LRRFIP1: variants seen among roughly 807,000 people sequenced by gnomAD.
The protein encoded by LRRFIP1 is LRR binding FLII interacting protein 1.
Under a neutral mutation model 104.4 loss-of-function variants are expected in LRRFIP1, and 62 were observed. That is an observed-to-expected ratio of 0.59 (90% CI 0.48 to 0.73). The LOEUF (loss-of-function observed/expected upper bound fraction) is 0.73. LRRFIP1 is among the 30% of genes least tolerant of loss of function. The pLI is 0.00. For missense variants in LRRFIP1, 796 were observed against 824.5 expected (o/e 0.97, Z 0.42); for synonymous variants, 300 against 299.0 (o/e 1.00, Z -0.03).
In LRRFIP1 at chr2:237,676,615, C is replaced by T. The variant is rs909542135; in HGVS notation, c.97-31929C>T. 7.9e-5 allele frequency among the ~76,000 whole-genome samples: 12 copies of T among 152,284 alleles called. No individual in the cohort carries two copies. In the South Asian group the frequency reaches 8.3e-4, roughly 11 times the overall value. The stretch of plus-strand genomic sequence containing the variant: ...CCGCCTCTCCGGTTCAAGGGATTCC[C>T]GTGCCTCAGCCTCCTGAGTAGCTGG... On this transcript the variant is annotated intron_variant, in intron 1 of 23. Transcript: ENST00000308482.
Position 237,769,888 on chromosome 2 carries a change from C to G in LRRFIP1, c.1460-55C>G. On this transcript the variant is annotated intron_variant, in intron 19 of 23. Transcript: ENST00000308482. Reference sequence around the variant, plus strand: ...GATCATTCTTCAGTTTAGCAATGTGCTGAAAGGCGCGGCACGCGGATTCAC... The same window carrying G: ...GATCATTCTTCAGTTTAGCAATGTGGTGAAAGGCGCGGCACGCGGATTCAC... The G allele has an allele frequency of 2.3e-6, 3 of 1,324,990 alleles. No homozygotes were observed. The South Asian group carries it at 3.7e-5, about 17-fold the overall frequency. The allele number at this position is 1,324,990 out of a possible 1,614,324, so 82.1% of individuals were successfully genotyped here. A position where few individuals can be genotyped will look rare whatever the true frequency, so the allele number is the denominator to read the frequency against.
chr2:237,748,872 C>T (rs2150601799), intron 12 of LRRFIP1, among the ~76,000 whole-genome samples: 1 of 152,298 alleles, frequency 6.6e-6, no homozygotes, highest in South Asian at 2.1e-4. Context: ...AAGAAAAGAG[C>T]TTTAATTGAC....
rs1268578039 is a variant in LRRFIP1 at position 237,766,494 on chromosome 2, A to G, written c.1460-3449A>G. On this transcript the variant is annotated intron_variant, in intron 19 of 23. Coordinates refer to ENST00000308482, the MANE Select transcript of LRRFIP1 (RefSeq NM_001137550.2). The surrounding 1 kb of genome is among the most constrained non-coding windows in gnomAD (Gnocchi z 4.8). ...ACCAAGGTCACTAAATGGTGAGATC[A>G]TCAAGCCATTTTAAGTTCTTTCTCA... Among the ~76,000 whole-genome samples the G allele has an allele frequency of 6.6e-6, 1 of 152,190 alleles. No homozygotes were observed. Among genetic ancestry groups the G allele is most frequent in the East Asian group, 1.9e-4 (1 of 5,194 alleles).
At chr2:237,746,555 A>G (rs2150565978) in intron 11 of LRRFIP1, among the ~76,000 whole-genome samples, 1 of 152,166 alleles carries the variant, frequency 6.6e-6, no homozygotes, top group South Asian at 2.1e-4. Context: ...CTTGGTACTC[A>G]TCTTATCGGA....
intron 19 of LRRFIP1, among the ~76,000 whole-genome samples, chr2:237,761,394 G>C (rs1361838153): frequency 6.6e-6 from 1 of 152,200 alleles, no homozygotes; most frequent in Non-Finnish European, 1.5e-5. Context: ...CCGTTGTTGA[G>C]AAAAGATAAA....
chr2:237,645,521 C>T (rs963557520), intron 1 of LRRFIP1, among the ~76,000 whole-genome samples: 80 of 152,076 alleles, frequency 5.3e-4, no homozygotes, highest in African/African-American at 1.9e-3. Flanking sequence ...AAGGAGGTGC[C>T]AGGGGCAGCT....
At chr2:237,636,320 A>T (rs1440323213) in intron 1 of LRRFIP1, among the ~76,000 whole-genome samples, 1 of 150,384 alleles carries the variant, frequency 6.6e-6, no homozygotes, top group Non-Finnish European at 1.5e-5. Context: ...ACAGAACAGA[A>T]AAAGAAGTAA....
intron 1 of LRRFIP1, among the ~76,000 whole-genome samples, chr2:237,693,782 G>A (rs942002384): frequency 2.0e-5 from 3 of 152,186 alleles, no homozygotes; most frequent in Admixed American, 6.5e-5. Context: ...AGTAAACATT[G>A]AGAACAGGAT....
At chr2:237,679,141 G>C (rs1391025322) in intron 1 of LRRFIP1, among the ~76,000 whole-genome samples, 1 of 152,338 alleles carries the variant, frequency 6.6e-6, no homozygotes, top group Non-Finnish European at 1.5e-5. Flanking sequence ...TCTCCAAGTT[G>C]ATCTTCCACT....
rs372933425 is a variant in LRRFIP1, at chr2:237,718,266, G to C, written c.249+457G>C. On this transcript the variant is annotated intron_variant, in intron 4 of 23. Coordinates refer to ENST00000308482, the MANE Select transcript of LRRFIP1 (RefSeq NM_001137550.2). ...CTCCATTTCCTTCACTCATGATTAC[G>C]ACCAGCTGCCCCATCGCCCTCATTT... Among the ~76,000 whole-genome samples, 7 of 152,352 alleles carry C rather than the reference G, an allele frequency of 4.6e-5. No homozygotes were observed. The East Asian group carries it at 1.3e-3, about 29-fold the overall frequency.
At chr2:237,752,251 T>C (rs565646307) in intron 14 of LRRFIP1, among the ~76,000 whole-genome samples, 15 of 152,066 alleles carry the variant, frequency 9.9e-5, no homozygotes, top group Non-Finnish European at 1.9e-4. Flanking sequence ...ACTAAAAATA[T>C]AAAAATTAGC....
chr2:237,687,671 G>T (rs150580289), intron 1 of LRRFIP1, among the ~76,000 whole-genome samples: 9 of 150,800 alleles, frequency 6.0e-5, no homozygotes, highest in African/African-American at 2.2e-4. Flanking sequence ...CTCATGGTTT[G>T]TAGAAGTAAT....
chr2:237,740,341 A>G (rs1046722347), intron 11 of LRRFIP1, among the ~76,000 whole-genome samples: 1 of 151,824 alleles, frequency 6.6e-6, no homozygotes, highest in African/African-American at 2.4e-5. Flanking sequence ...GCTTGAGCCC[A>G]GGAGTTCGAG....
At position 237,757,508 on chromosome 2, in the gene LRRFIP1, A is replaced by T; in HGVS notation, c.1184A>T (p.Asp395Val). Residue 395 changes from aspartate to valine, a missense_variant, in exon 17 of 24, where the codon GAT (aspartate) becomes GTT (valine). Transcript: ENST00000308482. ...GCGAGTTCTATCAGGGAGATTTCTG[A>T]TCTTCAGGAAACAATAGAGTGGAAA... ...KQASSIREIS[D>V]LQETIEWKDK... is the part of the protein sequence containing the mutation. 2 of 1,594,456 alleles carry T rather than the reference A, an allele frequency of 1.3e-6. No homozygotes were observed. The highest frequency in any genetic ancestry group is 1.7e-6 in the Non-Finnish European group (2 of 1,170,218).
intron 1 of LRRFIP1, among the ~76,000 whole-genome samples, chr2:237,648,492 C>T (rs2085343707): frequency 6.6e-6 from 1 of 151,494 alleles, no homozygotes; most frequent in Non-Finnish European, 1.5e-5. Flanking sequence ...CTTTGGGAGG[C>T]CAAGGTGGGA....
chr2:237,663,427 TTC>T (rs1491429625), intron 1 of LRRFIP1, among the ~76,000 whole-genome samples: 1 of 50,002 alleles, frequency 2.0e-5, no homozygotes, highest in Non-Finnish European at 4.8e-5. Context: ...GGGGAGTTCT[TTC>T]CCCCCCCATC....
At chr2:237,632,093 G>C (rs1270322995) in intron 1 of LRRFIP1, among the ~76,000 whole-genome samples, 1 of 140,286 alleles carries the variant, frequency 7.1e-6, no homozygotes, top group Non-Finnish European at 1.6e-5. Flanking sequence ...CTTGAGCCAC[G>C]GCCACACAGG....
Position 237,708,576 on chromosome 2 carries a change from CCG to C in LRRFIP1, c.134_135del (p.Ala45GlyfsTer33). On this transcript the variant is annotated frameshift_variant, in exon 2 of 24. Coordinates refer to ENST00000308482, the MANE Select transcript of LRRFIP1 (RefSeq NM_001137550.2). LOFTEE classifies it high-confidence loss of function. ...CCCGGCTCGCTGCAAAACGGGCGGC[CCG>C]CGCGGAGGCTCGCGAGATCCGCATG... The part of the protein sequence containing the change: ...EARLAAKRAA[R>X]AEAREIRMKE... 6.3e-7 allele frequency: 1 copy of C among 1,595,316 alleles called. No individual in the cohort carries two copies. Among genetic ancestry groups the C allele is most frequent in the Non-Finnish European group, 8.6e-7 (1 of 1,168,356 alleles).
chr2:237,718,153 C>T (rs753979518), intron 4 of LRRFIP1, among the ~76,000 whole-genome samples: 12 of 152,232 alleles, frequency 7.9e-5, no homozygotes, highest in African/African-American at 1.4e-4. Flanking sequence ...GCTGGGCATG[C>T]GCCCCTGGCT....
Sources: allele counts gnomAD v4.1 joint callset (sites outside exome capture counted in the v4.1 genomes callset), GRCh38; gene constraint gnomAD v4.1.1; non-coding constraint Gnocchi (gnomAD v3.1); transcripts MANE v1.5; gene names NCBI Gene and HGNC (gene_info 2026-07-23, HGNC 2026-07-21).